ARR3: variants seen among roughly 807,000 people sequenced by gnomAD.
ARR3 encodes arrestin-C.
In ARR3, 14 loss-of-function variants were observed where a neutral mutation model predicts 35.4. The observed-to-expected ratio is 0.40, with a 90% confidence interval of 0.26 to 0.62. ARR3 has a LOEUF of 0.62. ARR3 is among the 20% of genes least tolerant of loss of function. The pLI, the probability that ARR3 is intolerant of heterozygous loss-of-function variation, is 0.46. For missense variants in ARR3, 259 were observed against 303.8 expected (o/e 0.85, Z 1.10); for synonymous variants, 97 against 119.1 (o/e 0.81, Z 1.21).
At chrX:70,274,416 G>C (rs1356578806) in intron 5 of ARR3, among the ~76,000 whole-genome samples, 1 of 110,927 alleles carries the variant, frequency 9.0e-6, no homozygotes, top group Non-Finnish European at 1.9e-5. Flanking sequence ...GGCCAGGCTG[G>C]TCTCGAACTC....
At chrX:70,278,422 C>T in intron 11 of ARR3, 82 bp from the exon 12 acceptor site, 3 of 1,084,562 alleles carry the variant, frequency 2.8e-6, no homozygotes, top group Non-Finnish European at 3.7e-6. Flanking sequence ...CTTGTATAAT[C>T]TTGTACAAGA....
intron 8 of ARR3, 43 bp downstream of exon 8, chrX:70,276,779 G>T (rs1285417534): frequency 4.4e-6 from 5 of 1,125,810 alleles, no homozygotes; most frequent in South Asian, 3.8e-5. Context: ...TCCAGCCTCT[G>T]CCAGGAAACA....
chrX:70,277,356 A>T, intron 8 of ARR3, 38 bp from the exon 9 acceptor site: 3 of 1,195,909 alleles, frequency 2.5e-6, no homozygotes, highest in Non-Finnish European at 3.4e-6. Context: ...TGGGTCTGAA[A>T]GGAGGACGCT....
rs1375521315 is a variant in ARR3 at position 70,278,251 on chromosome X, G to C, written c.767+113G>C. 9 of 769,205 alleles carry C rather than the reference G, an allele frequency of 1.2e-5. No individual in the cohort carries two copies. The Admixed American group carries it at 1.2e-4, about 10-fold the overall frequency. 63.4% of individuals were successfully genotyped at this position (769,205 alleles called of 1,213,427 possible). A position where few individuals can be genotyped will look rare whatever the true frequency, so the allele number is the denominator to read the frequency against. ...GGAGAAGAGTGGTGGAAGATTCCAG[G>C]GAGGGATTCCCAGGAGAACTAGATG... On this transcript the variant is annotated intron_variant, in intron 11 of 16. Transcript: ENST00000307959.
At chrX:70,277,607 G>A (rs1293229334) in intron 9 of ARR3, 78 bp downstream of exon 9, 1 of 1,176,794 alleles carries the variant, frequency 8.5e-7, no homozygotes, top group African/African-American at 1.8e-5. Context: ...TACTTGGGCA[G>A]GCAGAGATGG....
At chrX:70,268,701 A>G (rs1430181214) in intron 1 of ARR3, among the ~76,000 whole-genome samples, 1 of 112,168 alleles carries the variant, frequency 8.9e-6, no homozygotes, top group African/African-American at 3.2e-5. Flanking sequence ...AGTTGGTTCA[A>G]GGAGGACTTT....
rs1255607557 is a variant in ARR3 at position 70,269,377 on chromosome X, A to G, written c.-9A>G. 8.3e-7 allele frequency: 1 copy of G among 1,206,269 alleles called. No individual in the cohort carries two copies. The highest frequency in any genetic ancestry group is 3.0e-5 in the East Asian group (1 of 33,810). On this transcript the variant is annotated 5_prime_UTR_variant, in exon 2 of 17. In the 5' UTR this introduces an upstream ATG that the reference lacks. Coordinates refer to ENST00000307959, the MANE Select transcript of ARR3 (RefSeq NM_004312.3). The stretch of plus-strand genomic sequence containing the variant: ...CCAGAAAAGGCTCAACATCAACTAT[A>G]TAGCCAACATGTCCAAGTAAGAATT...
chrX:70,269,627 C>T, intron 2 of ARR3, 35 bp from the exon 3 acceptor site: 2 of 1,196,957 alleles, frequency 1.7e-6, no homozygotes, highest in African/African-American at 1.7e-5. Context: ...CTTCCAATCC[C>T]CCTCTCCATC....
intron 5 of ARR3, among the ~76,000 whole-genome samples, chrX:70,274,360 C>T (rs145036265): frequency 0.033 from 3,650 of 110,274 alleles, 74 homozygotes; most frequent in Non-Finnish European, 0.051. Context: ...TGCCACCATG[C>T]CCAGCTAATT....
At position 70,281,005 on chromosome X, in the gene ARR3, G is replaced by GC. The variant is rs984101589; in HGVS notation, c.1067-94_1067-93insC. On this transcript the variant is annotated intron_variant, in intron 15 of 16. Coordinates refer to ENST00000307959, the MANE Select transcript of ARR3 (RefSeq NM_004312.3). ...CTGGAGCAAAGGATTGGGAAGTTGG[G>GC]GGGGGGGGAAGTAAAGATACTTCTT... 31 of 959,052 alleles carry GC rather than the reference G, an allele frequency of 3.2e-5. 1 individual carries two copies. Among genetic ancestry groups the GC allele is most frequent in the African/African-American group, 2.3e-4 (11 of 48,225 alleles). 79.0% of individuals were successfully genotyped at this position (959,052 alleles called of 1,213,427 possible).
chrX:70,269,969 C>T, intron 4 of ARR3, 66 bp downstream of exon 4: 3 of 1,176,102 alleles, frequency 2.6e-6, no homozygotes, highest in Non-Finnish European at 3.5e-6. Flanking sequence ...AAAAGAAAGT[C>T]CAGGAAAGAC....
chrX:70,272,837 T>C (rs752332564), intron 5 of ARR3, among the ~76,000 whole-genome samples: 1 of 112,551 alleles, frequency 8.9e-6, no homozygotes, highest in Non-Finnish European at 1.9e-5. Context: ...AAGCAAATAA[T>C]CTGGTGTTTG....
chrX:70,270,104 T>G lies in ARR3; in HGVS notation c.105T>G (p.Gly35=). The change falls in exon 5 of 17, where the codon GGT becomes GGG. Residue 35 remains glycine (G), a synonymous_variant. Coordinates refer to ENST00000307959, the MANE Select transcript of ARR3 (RefSeq NM_004312.3). ...TGTCTGTCCTTCTCTCCACAGACGG[T>G]GTTGTCCTGGTTGATCCTGAGTACT... The part of the protein sequence containing the change: ...DHVDTVEPID[G]VVLVDPEYLK... The G allele has an allele frequency of 1.6e-6, 2 of 1,212,169 alleles. No homozygotes were observed. Among genetic ancestry groups the G allele is most frequent in the Non-Finnish European group, 2.2e-6 (2 of 895,370 alleles).
In ARR3 at chrX:70,280,578, G is replaced by A. The variant is rs1352782235; in HGVS notation, c.1009G>A (p.Ala337Thr). ...CCACAGCATCCTAGGAGACCTGACA[G>A]CCAGGTGAGAGACTGTGGGGTGGGG... ...SCGGILGDLT[A>T]SDVGVELPLV... The change falls in exon 14 of 17, where the codon GCC (alanine) becomes ACC (threonine). Residue 337 changes from alanine (A) to threonine (T), a missense_variant. Transcript: ENST00000307959. 1 of 1,203,388 alleles carries A rather than the reference G, an allele frequency of 8.3e-7. No homozygotes were observed. Among genetic ancestry groups the A allele is most frequent in the South Asian group, 1.8e-5 (1 of 55,012 alleles).
chrX:70,280,455 C>T, intron 13 of ARR3, 104 bp from the exon 14 acceptor site: 1 of 1,016,155 alleles, frequency 9.8e-7, no homozygotes, highest in Non-Finnish European at 1.3e-6. Context: ...GAAACCCATT[C>T]TGTGGCTGGC....
At chrX:70,277,609 C>CAG in intron 9 of ARR3, 80 bp downstream of exon 9, 2 of 1,179,122 alleles carry the variant, frequency 1.7e-6, no homozygotes, top group Non-Finnish European at 2.3e-6. Flanking sequence ...CTTGGGCAGG[C>CAG]AGAGATGGGA....
chrX:70,280,961 A>AGT, intron 15 of ARR3, 138 bp from the exon 16 acceptor site: 1 of 762,766 alleles, frequency 1.3e-6, no homozygotes, highest in Non-Finnish European at 1.8e-6. Context: ...ATTCAGGGGA[A>AGT]GTGTGTGTGT....
At chrX:70,280,403 C>A in intron 13 of ARR3, 125 bp downstream of exon 13, 1 of 961,130 alleles carries the variant, frequency 1.0e-6, no homozygotes. Context: ...AGACCAGGTT[C>A]CCAAACCTGT....
At chrX:70,269,592 A>G (rs1035976491) in intron 2 of ARR3, 70 bp from the exon 3 acceptor site, 13 of 1,128,932 alleles carry the variant, frequency 1.2e-5, no homozygotes, top group Non-Finnish European at 1.6e-5. Flanking sequence ...TTTCTCCCCA[A>G]TTCCCTTATT....
Sources: gnomAD v4.1 joint callset for allele counts (sites outside exome capture counted in the v4.1 genomes callset) on GRCh38, gnomAD v4.1.1 for gene constraint, MANE v1.5 for transcripts, NCBI Gene and HGNC (gene_info 2026-07-23, HGNC 2026-07-21) for gene names.